The following ABCB5 variants were observed in gnomAD, a reference collection of about 807,000 sequenced individuals.
ABCB5 encodes ATP-binding cassette sub-family B member 5.
A neutral mutation model predicts 144.2 loss-of-function variants in ABCB5; 155 were observed. The observed-to-expected ratio is 1.08, with a 90% CI of 0.94 to 1.23. ABCB5 has a LOEUF of 1.23. Among genes scored for constraint, ABCB5 ranks in the 50% most tolerant of loss-of-function variants. The probability of loss-of-function intolerance (pLI) is 0.00; values close to 1 mark genes in which losing one functional copy is unlikely to be tolerated. For synonymous variants in ABCB5, 610 were observed against 528.6 expected (o/e 1.15, Z -2.11); for missense variants, 1,830 against 1,520.8 (o/e 1.20, Z -3.38).
At position 20,660,927 on chromosome 7, in the gene ABCB5, A is replaced by T. The variant is rs1381654599; in HGVS notation, c.1707+2251A>T. Among the ~76,000 whole-genome samples the T allele has an allele frequency of 3.3e-5, 5 of 152,292 alleles. No individual in the cohort carries two copies. The East Asian group carries it at 9.7e-4, about 29-fold the overall frequency. ...ACAAAGTTCTAGAACCTGTGAAACCAATCAATGGTATTAAAAAATCAGGTC... is the reference window on the plus strand; with the variant it reads ...ACAAAGTTCTAGAACCTGTGAAACCTATCAATGGTATTAAAAAATCAGGTC... On this transcript the variant is annotated intron_variant, in intron 14 of 27. Coordinates refer to ENST00000404938, the MANE Select transcript of ABCB5 (RefSeq NM_001163941.2).
rs551351432 is a variant in ABCB5 at position 20,711,724 on chromosome 7, G to T, written c.2421+6917G>T. 2.8e-4 allele frequency among the ~76,000 whole-genome samples: 41 copies of T among 148,816 alleles called. 2 individuals are homozygous for T. Among genetic ancestry groups the T allele is most frequent in the Non-Finnish European group, 4.0e-4 (27 of 67,022 alleles). The stretch of plus-strand genomic sequence containing the variant: ...CCACCTCAGCCTCCTGAAGTGCTGG[G>T]ATTATGGGTGTGAGCCACTGCACCC... On this transcript the variant is annotated intron_variant, in intron 20 of 27. Transcript: ENST00000404938.
At chr7:20,703,411 C>T (rs957469726) in intron 19 of ABCB5, among the ~76,000 whole-genome samples, 2 of 152,190 alleles carry the variant, frequency 1.3e-5, no homozygotes, top group Non-Finnish European at 2.9e-5. Flanking sequence ...CTTTGGGCAT[C>T]TAGGACCCGA....
rs1033331010 is a variant in ABCB5 at position 20,718,996 on chromosome 7, C to A, written c.2422-4020C>A. 5.9e-5 allele frequency among the ~76,000 whole-genome samples: 9 copies of A among 152,200 alleles called. No individual in the cohort carries two copies. The South Asian group carries it at 1.9e-3, about 32-fold the overall frequency. ...CGAAAGCAACCCAAATTGAAGGCAA[C>A]CCAAATATTTTTGGAGAATATTTAA... On this transcript the variant is annotated intron_variant, in intron 20 of 27. Transcript: ENST00000404938.
rs1783071454 is a variant in ABCB5, at chr7:20,755,775, C to T, written c.*151C>T. ...CATACATGTTCTATTCACACACCATCTGACCTTCAGATTTTTAAAAGGAAG... is the reference window on the plus strand; with the variant it reads ...CATACATGTTCTATTCACACACCATTTGACCTTCAGATTTTTAAAAGGAAG... On this transcript the variant is annotated 3_prime_UTR_variant, in exon 28 of 28. Coordinates refer to ENST00000404938, the MANE Select transcript of ABCB5 (RefSeq NM_001163941.2). 8.0e-6 allele frequency: 6 copies of T among 748,400 alleles called. No individual in the cohort carries two copies. The East Asian group carries it at 1.6e-4, about 21-fold the overall frequency. The allele number at this position is 748,400 out of a possible 1,614,324, so 46.4% of individuals were successfully genotyped here. A position where few individuals can be genotyped will look rare whatever the true frequency, so the allele number is the denominator to read the frequency against.
At chr7:20,678,590 G>C (rs1443440016) in intron 14 of ABCB5, among the ~76,000 whole-genome samples, 1 of 152,042 alleles carries the variant, frequency 6.6e-6, no homozygotes, top group Non-Finnish European at 1.5e-5. Context: ...AGAAGTGTCA[G>C]TTATTGTGCT....
intron 20 of ABCB5, among the ~76,000 whole-genome samples, chr7:20,721,604 C>T (rs868747808): frequency 1.6e-4 from 25 of 152,258 alleles, no homozygotes; most frequent in Middle Eastern, 6.8e-3. Context: ...GCCTCTCCAA[C>T]ACAAAGCTTC....
rs1727265085 is a variant in ABCB5, at chr7:20,742,944, T to C, written c.3092T>C (p.Phe1031Ser). 5.0e-6 allele frequency: 8 copies of C among 1,614,084 alleles called. 1 individual carries two copies. The South Asian group carries it at 8.8e-5, about 18-fold the overall frequency. The change falls in exon 25 of 28, where the codon TTC (phenylalanine) becomes TCC (serine). Residue 1031 changes from phenylalanine to serine, a missense_variant. Phe to Ser is a radical substitution (Grantham distance 155). Transcript: ENST00000404938. The part of the protein sequence containing the change: ...SFFYPCRPDV[F>S]ILRGLSLSIE... ...TTCTATCCATGTCGCCCAGATGTTT[T>C]CATCCTCCGTGGCTTATCCCTCAGT...
intron 5 of ABCB5, among the ~76,000 whole-genome samples, chr7:20,633,523 C>A (rs895593950): frequency 1.3e-5 from 2 of 151,950 alleles, no homozygotes; most frequent in African/African-American, 4.8e-5. Context: ...TATGAGGTAC[C>A]TAGTGATGCT....
At chr7:20,702,649 T>C (rs1053690144) in intron 19 of ABCB5, among the ~76,000 whole-genome samples, 1 of 140,344 alleles carries the variant, frequency 7.1e-6, no homozygotes, top group East Asian at 2.1e-4. Context: ...GTATTACATA[T>C]AATGGATTTT....
At chr7:20,723,335 C>T (rs1328899093) in intron 21 of ABCB5, 116 bp downstream of exon 21, 9 of 1,067,808 alleles carry the variant, frequency 8.4e-6, no homozygotes, top group East Asian at 2.6e-5. Flanking sequence ...AACTTCATCT[C>T]TTAGGGATCT....
intron 20 of ABCB5, among the ~76,000 whole-genome samples, chr7:20,711,300 T>C (rs904449911): frequency 6.7e-6 from 1 of 149,756 alleles, no homozygotes; most frequent in Non-Finnish European, 1.5e-5. Context: ...TCCTTCTGCA[T>C]CCAGGTCTTT....
intron 2 of ABCB5, among the ~76,000 whole-genome samples, chr7:20,624,649 G>T (rs1783868934): frequency 6.6e-6 from 1 of 152,172 alleles, no homozygotes; most frequent in African/African-American, 2.4e-5. Context: ...AATACAGGAA[G>T]GATTCCTATT....
intron 14 of ABCB5, among the ~76,000 whole-genome samples, chr7:20,681,080 CT>C (rs1301055696): frequency 5.2e-5 from 1 of 19,172 alleles, no homozygotes; most frequent in Non-Finnish European, 9.6e-5. Context: ...TTCTTTCTTT[CT>C]TTCTTTCTTT....
At chr7:20,731,279 G>A (rs142161426) in intron 23 of ABCB5, among the ~76,000 whole-genome samples, 5,163 of 149,518 alleles carry the variant, frequency 0.035, 138 homozygotes, top group Non-Finnish European at 0.057. Context: ...CTTCAACCCC[G>A]GAGGTGGAGG....
intron 21 of ABCB5, among the ~76,000 whole-genome samples, chr7:20,724,140 G>A (rs1781956658): frequency 1.3e-5 from 2 of 152,122 alleles, no homozygotes; most frequent in South Asian, 4.2e-4. Context: ...CAGGCTGCCT[G>A]TACTTGGATA....
At chr7:20,697,662 T>A (rs1413176775) in intron 16 of ABCB5, among the ~76,000 whole-genome samples, 2 of 152,190 alleles carry the variant, frequency 1.3e-5, no homozygotes, top group African/African-American at 4.8e-5. Flanking sequence ...GTATAAAACC[T>A]GAAATTTTGT....
Position 20,626,604 on chromosome 7 carries a change from T to C in ABCB5, c.101T>C (p.Ile34Thr), listed in dbSNP as rs368439981. ...PKLRKEAVGS[I>T]EIFRFADGLD... ...CTGAGAAAGGAAGCAGTTGGATCTA[T>C]TGAGATAGTAAGTGAAATCAGTTAG... Residue 34 changes from isoleucine (I) to threonine (T), a missense_variant, in exon 3 of 28, where the codon ATT becomes ACT. Physicochemically the swap from Ile to Thr is moderately conservative, Grantham distance 89 (BLOSUM62 -1). Transcript: ENST00000404938. The C allele has an allele frequency of 1.4e-5, 23 of 1,605,720 alleles. 1 individual carries two copies. Among genetic ancestry groups the C allele is most frequent in the East Asian group, 1.3e-4 (6 of 44,712 alleles).
chr7:20,717,668 A>G (rs1437819220), intron 20 of ABCB5, among the ~76,000 whole-genome samples: 2 of 151,198 alleles, frequency 1.3e-5, no homozygotes, highest in East Asian at 3.9e-4. Context: ...CAGACTCCTG[A>G]CCTCATGATC....
chr7:20,670,915 A>G (rs1409890501), intron 14 of ABCB5, among the ~76,000 whole-genome samples: 2 of 152,200 alleles, frequency 1.3e-5, no homozygotes, highest in African/African-American at 2.4e-5. Flanking sequence ...ACCTGAAATA[A>G]AAAGAAAAAA....
Sources: allele counts gnomAD v4.1 joint callset (sites outside exome capture counted in the v4.1 genomes callset), GRCh38; gene constraint gnomAD v4.1.1; transcripts MANE v1.5; gene names NCBI Gene and HGNC (gene_info 2026-07-23, HGNC 2026-07-21).